Variants in TAFA5 observed in about 807,000 individuals in gnomAD.
TAFA5 encodes the protein chemokine-like protein TAFA-5.
Under a neutral mutation model 15.3 loss-of-function variants are expected in TAFA5, and 6 were observed. The ratio of observed to expected loss-of-function variants is 0.39; its 90% CI spans 0.21 to 0.77. The LOEUF is 0.77. TAFA5 is among the 30% of genes least tolerant of loss of function. TAFA5 has a pLI of 0.41. For synonymous variants in TAFA5, 103 were observed against 80.7 expected, an observed-to-expected ratio of 1.28 and a Z score of -1.48; for missense variants, 161 against 193.1, an observed-to-expected ratio of 0.83 and a Z score of 0.98.
At chr22:48,534,742 C>T (rs1285085863) in intron 1 of TAFA5, among the ~76,000 whole-genome samples, 1 of 152,186 alleles carries the variant, frequency 6.6e-6, no homozygotes. Context: ...AGGGGGAGGC[C>T]CGGCTCTCCG....
Position 48,742,558 on chromosome 22 carries a change from G to C in TAFA5, c.391-7281G>C, listed in dbSNP as rs1013254237. ...GTGGACCCGGCCGCATGGTGGACCA[G>C]GCAACGTGGTAGACTGGGCAGCGTG... On this transcript the variant is annotated intron_variant, in intron 3 of 3. Coordinates refer to ENST00000402357, the MANE Select transcript of TAFA5 (RefSeq NM_001082967.3). The surrounding 1 kb of genome is among the most constrained non-coding windows in gnomAD (Gnocchi z 6.2). 1.2e-4 allele frequency among the ~76,000 whole-genome samples: 18 copies of C among 152,064 alleles called. No homozygotes were observed. Among genetic ancestry groups the C allele is most frequent in the South Asian group, 4.2e-4 (2 of 4,814 alleles).
chr22:48,631,918 C>T (rs1195663674), intron 1 of TAFA5, among the ~76,000 whole-genome samples: 1 of 152,160 alleles, frequency 6.6e-6, no homozygotes, highest in Non-Finnish European at 1.5e-5. Context: ...AGCCCCAGCC[C>T]CTGTAAAATG....
At chr22:48,575,600 A>G (rs1243271622) in intron 1 of TAFA5, among the ~76,000 whole-genome samples, 1 of 145,788 alleles carries the variant, frequency 6.9e-6, no homozygotes, top group Non-Finnish European at 1.5e-5. Flanking sequence ...CGCGGCAGCC[A>G]CCGGCACCGG....
intron 1 of TAFA5, among the ~76,000 whole-genome samples, chr22:48,555,275 G>T (rs531844611): frequency 5.3e-5 from 8 of 152,196 alleles, no homozygotes; most frequent in South Asian, 2.1e-4. Flanking sequence ...CTTCCTAAGC[G>T]GCACGACCGG....
chr22:48,737,675 G>A (rs1031524863), intron 3 of TAFA5, among the ~76,000 whole-genome samples: 1 of 152,198 alleles, frequency 6.6e-6, no homozygotes, highest in African/African-American at 2.4e-5. Context: ...GATGTTGCCC[G>A]AGAGGTGGGC....
chr22:48,708,227 A>T (rs1174074497), intron 3 of TAFA5, among the ~76,000 whole-genome samples: 1 of 152,142 alleles, frequency 6.6e-6, no homozygotes, highest in Non-Finnish European at 1.5e-5. Flanking sequence ...AACTTCTGAT[A>T]ACTCCCCCAG....
chr22:48,532,749 G>C (rs1211721282), intron 1 of TAFA5, among the ~76,000 whole-genome samples: 2 of 152,200 alleles, frequency 1.3e-5, no homozygotes, highest in Non-Finnish European at 2.9e-5. Flanking sequence ...GGCCTGGAAG[G>C]ACCCGGGCCA....
intron 2 of TAFA5, among the ~76,000 whole-genome samples, chr22:48,648,114 C>A (rs1926930491): frequency 6.6e-6 from 1 of 152,182 alleles, no homozygotes; most frequent in African/African-American, 2.4e-5. Context: ...TCCGTGGCAT[C>A]CTGCACTGAA....
intron 1 of TAFA5, among the ~76,000 whole-genome samples, chr22:48,626,913 A>C (rs1355263766): frequency 1.3e-5 from 2 of 152,082 alleles, no homozygotes; most frequent in Non-Finnish European, 2.9e-5. Flanking sequence ...TTGCCTGTGG[A>C]CCTTCCAGCT....
intron 1 of TAFA5, among the ~76,000 whole-genome samples, chr22:48,617,030 C>T (rs1370513090): frequency 1.3e-5 from 2 of 152,134 alleles, no homozygotes; most frequent in African/African-American, 2.4e-5. Context: ...TGTGGTCACT[C>T]GGGGGATGCC....
chr22:48,650,508 G>A (rs1052228559), intron 2 of TAFA5, among the ~76,000 whole-genome samples: 1 of 152,124 alleles, frequency 6.6e-6, no homozygotes, highest in African/African-American at 2.4e-5. Flanking sequence ...ATCCATGAGG[G>A]GGCATTTGAA....
In TAFA5 at chr22:48,736,490, TC is replaced by T. The variant is rs58805060; in HGVS notation, c.391-13343del. On this transcript the variant is annotated intron_variant, in intron 3 of 3. Coordinates refer to ENST00000402357, the MANE Select transcript of TAFA5 (RefSeq NM_001082967.3). ...ATGAGAACCGCACTCCTAGGGTCCATCCCCCCAGGAGGAATGAGAACATGTC... is the reference window on the plus strand; with the variant it reads ...ATGAGAACCGCACTCCTAGGGTCCATCCCCCAGGAGGAATGAGAACATGTC... Among the ~76,000 whole-genome samples the T allele has an allele frequency of 2.5e-4, 4 of 16,144 alleles. 1 individual carries two copies. Among genetic ancestry groups the T allele is most frequent in the African/African-American group, 1.8e-3 (4 of 2,206 alleles). 10.6% of individuals were successfully genotyped at this position (16,144 alleles called of 152,430 possible).
chr22:48,636,230 A>G (rs536407633), intron 1 of TAFA5, among the ~76,000 whole-genome samples: 3 of 152,266 alleles, frequency 2.0e-5, no homozygotes, highest in East Asian at 3.9e-4. Flanking sequence ...CACCAACATT[A>G]TATTTCACAA....
rs1921928041 is a variant in TAFA5 at position 48,530,256 on chromosome 22, C to T, written c.112+40552C>T. ...CTGCTCCCCTCCTGTGACATCCGAG[C>T]ATGGTCGTCTGACAAATGGGGCATC... is the stretch of plus-strand genomic sequence containing the variant. On this transcript the variant is annotated intron_variant, in intron 1 of 3. Transcript: ENST00000402357. This position sits in a 1 kb window ranked among gnomAD's most constrained non-coding sequence, Gnocchi z 6.0. Among the ~76,000 whole-genome samples the T allele has an allele frequency of 6.6e-6, 1 of 152,106 alleles. No homozygotes were observed. The highest frequency in any genetic ancestry group is 2.1e-4 in the South Asian group (1 of 4,834).
At chr22:48,624,222 A>C (rs997955525) in intron 1 of TAFA5, among the ~76,000 whole-genome samples, 11 of 152,198 alleles carry the variant, frequency 7.2e-5, no homozygotes, top group African/African-American at 2.2e-4. Flanking sequence ...GTTTGGGAAG[A>C]AGATGCCAAA....
intron 3 of TAFA5, among the ~76,000 whole-genome samples, chr22:48,717,272 G>A (rs977721902): frequency 3.9e-4 from 60 of 152,216 alleles, no homozygotes; most frequent in African/African-American, 1.2e-3. Context: ...CGCAGGCTGC[G>A]ACTCCTGACC....
At chr22:48,585,485 A>G (rs1188716812) in intron 1 of TAFA5, among the ~76,000 whole-genome samples, 1 of 151,344 alleles carries the variant, frequency 6.6e-6, no homozygotes, top group Admixed American at 6.6e-5. Context: ...TACACCACAT[A>G]CAAAATACAC....
intron 1 of TAFA5, among the ~76,000 whole-genome samples, chr22:48,589,139 G>A (rs755979480): frequency 4.4e-4 from 67 of 152,118 alleles, no homozygotes; most frequent in African/African-American, 1.6e-3. Flanking sequence ...GCTCCTGCCC[G>A]CTGGTTGCCT....
chr22:48,575,686 C>T (rs904614012), intron 1 of TAFA5, among the ~76,000 whole-genome samples: 34 of 145,834 alleles, frequency 2.3e-4, no homozygotes, highest in Non-Finnish European at 4.3e-4. Context: ...CCGGCCGCGG[C>T]GGCGGAGGCG....
Sources: allele counts gnomAD v4.1 joint callset (sites outside exome capture counted in the v4.1 genomes callset), GRCh38; gene constraint gnomAD v4.1.1; non-coding constraint Gnocchi (gnomAD v3.1); transcripts MANE v1.5; gene names NCBI Gene and HGNC (gene_info 2026-07-23, HGNC 2026-07-21).